The following SFPQ variants were observed in gnomAD, a reference collection of about 807,000 sequenced individuals.
SFPQ encodes splicing factor proline and glutamine rich.
In SFPQ, 11 loss-of-function variants were observed where a neutral mutation model predicts 72.9. The ratio of observed to expected loss-of-function variants is 0.15; its 90% confidence interval spans 0.09 to 0.25. The LOEUF (loss-of-function observed/expected upper bound fraction) is 0.25. SFPQ is among the 10% of genes least tolerant of loss of function. The pLI is 1.00. For synonymous variants in SFPQ, 506 were observed against 367.3 expected, an observed-to-expected ratio of 1.38 and a Z score of -4.32; for missense variants, 847 against 993.3, an observed-to-expected ratio of 0.85 and a Z score of 1.98.
chr1:35,192,546 G>A lies in SFPQ; in HGVS notation c.504C>T (p.Thr168=). Residue 168 remains threonine (T), a synonymous_variant, in exon 1 of 10, where the codon ACC becomes ACT. Transcript: ENST00000357214. ...TGGTAGGGACCCCGCTGCTTGGCGG[G>A]GTGGGTGGCGGCGCCCCGGGAGGGG... is the stretch of plus-strand genomic sequence containing the variant. ...TSAPPGAPPP[T]PPSSGVPTTP... The A allele has an allele frequency of 7.5e-7, 1 of 1,327,920 alleles. No individual in the cohort carries two copies. 82.3% of individuals were successfully genotyped at this position (1,327,920 alleles called of 1,614,324 possible). A position where few individuals can be genotyped will look rare whatever the true frequency, so the allele number is the denominator to read the frequency against.
intron 9 of SFPQ, among the ~76,000 whole-genome samples, chr1:35,185,948 C>T (rs1047503740): frequency 3.9e-5 from 6 of 152,130 alleles, no homozygotes; most frequent in African/African-American, 1.4e-4. Context: ...TACACATTAC[C>T]TAACAATCTG....
Position 35,184,572 on chromosome 1 carries a change from C to CCTG in SFPQ, c.2005_2007dup (p.Gln669dup), listed in dbSNP as rs759001179. On this transcript the variant is annotated inframe_insertion, in exon 10 of 10. Transcript: ENST00000357214. The stretch of plus-strand genomic sequence containing the variant: ...TGTCCACCCACAGGCCCCGCACCTC[C>CCTG]CTGCCCAAAGCGCTCAGTACGCTAT... The CCTG allele has an allele frequency of 1.2e-6, 2 of 1,603,300 alleles. No homozygotes were observed. The highest frequency in any genetic ancestry group is 2.7e-5 in the African/African-American group (2 of 74,304).
chr1:35,184,665 G>A, intron 9 of SFPQ, 72 bp from the exon 10 acceptor site: 1 of 1,448,712 alleles, frequency 6.9e-7, no homozygotes, highest in African/African-American at 1.5e-5. Flanking sequence ...TATTTTAGAA[G>A]GTTCCGTAGT....
chr1:35,189,828 T>C (rs1639907438), intron 4 of SFPQ, among the ~76,000 whole-genome samples: 1 of 152,062 alleles, frequency 6.6e-6, no homozygotes, highest in African/African-American at 2.4e-5. Flanking sequence ...CAGGCACCTG[T>C]AATCCCAGCT....
At position 35,184,087 on chromosome 1, in the gene SFPQ, T is replaced by C. The variant is rs1279167981; in HGVS notation, c.*369A>G. On this transcript the variant is annotated 3_prime_UTR_variant, in exon 10 of 10. Coordinates refer to ENST00000357214, the MANE Select transcript of SFPQ (RefSeq NM_005066.3). ...TGTGGAATACGTAGCCTAATATGCA[T>C]AGAAGCATGAATGGCAAAGTTGAAG... The C allele has an allele frequency of 5.4e-6, 6 of 1,114,880 alleles. No homozygotes were observed. The highest frequency in any genetic ancestry group is 1.6e-5 in the African/African-American group (1 of 61,018). The allele number at this position is 1,114,880 out of a possible 1,614,324, so 69.1% of individuals were successfully genotyped here.
intron 2 of SFPQ, 85 bp from the exon 3 acceptor site, chr1:35,191,080 C>CTT: frequency 8.2e-7 from 1 of 1,216,594 alleles, no homozygotes. Flanking sequence ...TTCCTACTCC[C>CTT]TTTCTTCCTT....
In SFPQ at chr1:35,189,319, T is replaced by C. The variant is rs375652827; in HGVS notation, c.1479A>G (p.Arg493=). Residue 493 remains arginine (R), a synonymous_variant, in exon 5 of 10, where the codon CGA becomes CGG. Coordinates refer to ENST00000357214, the MANE Select transcript of SFPQ (RefSeq NM_005066.3). ...HGTFEYEYSQ[R]WKSLDEMEKQ... is the part of the protein sequence containing the mutation. Reference sequence around the variant, plus strand: ...TTTCCATTTCATCCAAAGACTTCCATCGCTGAGAATATTCGTACTCAAACG... The same window carrying C: ...TTTCCATTTCATCCAAAGACTTCCACCGCTGAGAATATTCGTACTCAAACG... 10 of 1,614,172 alleles carry C rather than the reference T, an allele frequency of 6.2e-6. No individual in the cohort carries two copies. The highest frequency in any genetic ancestry group is 8.5e-6 in the Non-Finnish European group (10 of 1,180,028).
downstream of SFPQ, chr1:35,179,384 T>C: frequency 9.5e-7 from 1 of 1,057,036 alleles, no homozygotes; most frequent in Non-Finnish European, 1.1e-6. Context: ...TCTTTCATCT[T>C]TCAGAAAGCA....
rs78294528 is a variant in SFPQ at position 35,183,225 on chromosome 1, C to T, written c.*1231G>A. On this transcript the variant is annotated 3_prime_UTR_variant, in exon 10 of 10. Transcript: ENST00000357214. Reference sequence around the variant, plus strand: ...AACTAAACCTACTTCAGTACTAAACCTTTTTTTTTTTTTGAGACAGAGTCT... The same window carrying T: ...AACTAAACCTACTTCAGTACTAAACTTTTTTTTTTTTTTGAGACAGAGTCT... 6.7e-5 allele frequency: 51 copies of T among 761,288 alleles called. No individual in the cohort carries two copies. In the East Asian group the frequency reaches 3.0e-3, roughly 45 times the overall value. 47.2% of individuals were successfully genotyped at this position (761,288 alleles called of 1,614,324 possible). A position where few individuals can be genotyped will look rare whatever the true frequency, so the allele number is the denominator to read the frequency against.
In SFPQ at chr1:35,187,739, A is replaced by C. The variant is rs1249068429; in HGVS notation, c.1815+234T>G. 2.0e-5 allele frequency among the ~76,000 whole-genome samples: 3 copies of C among 152,128 alleles called. 1 individual carries two copies. Among genetic ancestry groups the C allele is most frequent in the Non-Finnish European group, 4.4e-5 (3 of 68,006 alleles). On this transcript the variant is annotated intron_variant, in intron 7 of 9. Transcript: ENST00000357214. Reference sequence around the variant, plus strand: ...AGAGCAAAACTCTCTCCAAAAAAAAAACCAAACAAACAAAAAAACAAAACA... The same window carrying C: ...AGAGCAAAACTCTCTCCAAAAAAAACACCAAACAAACAAAAAAACAAAACA...
At chr1:35,189,858 GGA>G (rs1317874464) in intron 4 of SFPQ, among the ~76,000 whole-genome samples, 11 of 152,224 alleles carry the variant, frequency 7.2e-5, no homozygotes, top group African/African-American at 2.2e-4. Context: ...CCCTGAGGCA[GGA>G]GAATCACTTG....
intron 5 of SFPQ, among the ~76,000 whole-genome samples, chr1:35,176,734 G>A (rs906515097): frequency 1.3e-5 from 2 of 151,942 alleles, no homozygotes; most frequent in African/African-American, 2.4e-5. Context: ...TTAGCCAGGC[G>A]TGTGTGGCGG....
chr1:35,184,334 T>C lies in SFPQ; in HGVS notation c.*122A>G. On this transcript the variant is annotated 3_prime_UTR_variant, in exon 10 of 10. Coordinates refer to ENST00000357214, the MANE Select transcript of SFPQ (RefSeq NM_005066.3). ...GCCCAAACAGACCATTTACAAATATTAGGTCAATAAACTGCTAACATCCAT... is the reference window on the plus strand; with the variant it reads ...GCCCAAACAGACCATTTACAAATATCAGGTCAATAAACTGCTAACATCCAT... The C allele has an allele frequency of 6.6e-7, 1 of 1,515,166 alleles. No individual in the cohort carries two copies. Among genetic ancestry groups the C allele is most frequent in the Non-Finnish European group, 8.8e-7 (1 of 1,140,304 alleles). The allele number at this position is 1,515,166 out of a possible 1,614,324, so 93.9% of individuals were successfully genotyped here. A position where few individuals can be genotyped will look rare whatever the true frequency, so the allele number is the denominator to read the frequency against.
intron 7 of SFPQ, 71 bp from the exon 8 acceptor site, chr1:35,187,322 T>C: frequency 7.5e-7 from 1 of 1,331,170 alleles, no homozygotes; most frequent in Non-Finnish European, 1.1e-6. Context: ...AACTGAGAAA[T>C]TTTCAAGAGT....
chr1:35,190,246 A>C (rs1452388006), intron 4 of SFPQ, among the ~76,000 whole-genome samples: 1 of 152,212 alleles, frequency 6.6e-6, no homozygotes, highest in African/African-American at 2.4e-5. Context: ...GGCAACAGAG[A>C]CTCAGTCACA....
At chr1:35,190,421 A>G in intron 4 of SFPQ, 77 bp downstream of exon 4, 1 of 1,057,990 alleles carries the variant, frequency 9.5e-7, no homozygotes, top group South Asian at 1.4e-5. Flanking sequence ...ATTTTAAGCA[A>G]AATTGGAAAA....
At position 35,192,873 on chromosome 1, in the gene SFPQ, C is replaced by G. The variant is rs2148630200; in HGVS notation, c.177G>C (p.Pro59=). The G allele has an allele frequency of 2.0e-6, 3 of 1,534,594 alleles. No homozygotes were observed. In the Middle Eastern group the frequency reaches 6.2e-4, roughly 318 times the overall value. Residue 59 remains proline (P), a synonymous_variant, in exon 1 of 10, where the codon CCG becomes CCC. Transcript: ENST00000357214. ...PGPGQSGPKP[P]IPPPPPHQQQ... ...GTTGGTGTGGAGGCGGTGGCGGGAT[C>G]GGAGGCTTAGGGCCGCTCTGGCCCG...
In SFPQ at chr1:35,187,088, A is replaced by G; in HGVS notation, c.1899T>C (p.Pro633=). The G allele has an allele frequency of 6.2e-7, 1 of 1,614,072 alleles. No individual in the cohort carries two copies. Residue 633 remains proline (P), a synonymous_variant, in exon 9 of 10, where the codon CCT becomes CCC. Coordinates refer to ENST00000357214, the MANE Select transcript of SFPQ (RefSeq NM_005066.3). ...AACCTATGCCACCACCACCTCCTAG[A>G]GGTGGAAATTTCTGGCCTCCTGAAC... ...PYGSGGQKFP[P]LGGGGGIGYE...
At chr1:35,189,471 TTTC>T in intron 4 of SFPQ, 89 bp from the exon 5 acceptor site, 1 of 1,122,566 alleles carries the variant, frequency 8.9e-7, no homozygotes, top group Non-Finnish European at 1.3e-6. Context: ...TCCTGTTCTA[TTTC>T]TTGTAAAGAG....
Sources: gnomAD v4.1 joint callset for allele counts (sites outside exome capture counted in the v4.1 genomes callset) on GRCh38, gnomAD v4.1.1 for gene constraint, MANE v1.5 for transcripts, NCBI Gene and HGNC (gene_info 2026-07-23, HGNC 2026-07-21) for gene names.